NRG3: variants seen among roughly 807,000 people sequenced by gnomAD.
NRG3 encodes neuregulin 3.
NRG3 carries 31 observed loss-of-function variants against 66.9 expected under a neutral mutation model. The observed-to-expected ratio is 0.46, with a 90% CI of 0.35 to 0.63. The LOEUF (loss-of-function observed/expected upper bound fraction) is 0.63. NRG3 is among the 20% of genes least tolerant of loss of function. The pLI is 0.00. For synonymous variants in NRG3, 393 were observed against 359.4 expected, an observed-to-expected ratio of 1.09 and a Z score of -1.06; for missense variants, 910 against 878.9, an observed-to-expected ratio of 1.04 and a Z score of -0.45.
intron 2 of NRG3, among the ~76,000 whole-genome samples, chr10:82,423,173 A>G (rs1480992257): frequency 1.3e-5 from 2 of 152,012 alleles, no homozygotes; most frequent in Non-Finnish European, 2.9e-5. Context: ...TCTAAAACAA[A>G]TTGAAACTTA....
chr10:82,245,741 G>C (rs1228796427), intron 1 of NRG3, among the ~76,000 whole-genome samples: 1 of 151,990 alleles, frequency 6.6e-6, no homozygotes, highest in African/African-American at 2.4e-5. Flanking sequence ...TTAAGAACTA[G>C]GACATGAATT....
intron 2 of NRG3, among the ~76,000 whole-genome samples, chr10:82,722,434 C>A (rs560514499): frequency 1.3e-5 from 2 of 152,226 alleles, no homozygotes; most frequent in African/African-American, 4.8e-5. Flanking sequence ...GTCAACAAAG[C>A]AAAGAATGTG....
intron 2 of NRG3, among the ~76,000 whole-genome samples, chr10:82,590,447 T>C (rs2046916545): frequency 6.6e-6 from 1 of 152,050 alleles, no homozygotes; most frequent in South Asian, 2.1e-4. Context: ...GCTTGATAAA[T>C]ACTGAGGAGG....
chr10:82,962,954 C>T (rs1483052895), intron 6 of NRG3, among the ~76,000 whole-genome samples: 3 of 152,124 alleles, frequency 2.0e-5, no homozygotes, highest in Non-Finnish European at 4.4e-5. Flanking sequence ...TCTGGTAAAG[C>T]CCACACTTCT....
At chr10:82,221,465 C>T (rs548625428) in intron 1 of NRG3, among the ~76,000 whole-genome samples, 2 of 152,230 alleles carry the variant, frequency 1.3e-5, no homozygotes, top group Non-Finnish European at 1.5e-5. Flanking sequence ...TCAATCAATT[C>T]CTCTGACCAT....
chr10:81,956,272 G>C (rs1407067409), intron 1 of NRG3, among the ~76,000 whole-genome samples: 2 of 152,134 alleles, frequency 1.3e-5, no homozygotes, highest in Non-Finnish European at 2.9e-5. Context: ...CATTCACCAA[G>C]CTCCAAGGAA....
chr10:82,587,655 T>G (rs932681697), intron 2 of NRG3, among the ~76,000 whole-genome samples: 5 of 152,166 alleles, frequency 3.3e-5, no homozygotes, highest in African/African-American at 1.2e-4. Context: ...CTAGCTTCTG[T>G]GTGTTGTTTC....
intron 2 of NRG3, among the ~76,000 whole-genome samples, chr10:82,425,320 A>G (rs1458236949): frequency 6.6e-6 from 1 of 151,984 alleles, no homozygotes; most frequent in Non-Finnish European, 1.5e-5. Context: ...TTTTTCAACA[A>G]TGTTTGTTGC....
intron 1 of NRG3, among the ~76,000 whole-genome samples, chr10:82,338,500 CT>C (rs1203307315): frequency 6.6e-6 from 1 of 152,104 alleles, no homozygotes; most frequent in African/African-American, 2.4e-5. Flanking sequence ...GCAGACTTGC[CT>C]TATTATCTGA....
chr10:82,206,673 T>C (rs912404442), intron 1 of NRG3, among the ~76,000 whole-genome samples: 11 of 152,204 alleles, frequency 7.2e-5, no homozygotes, highest in Admixed American at 2.0e-4. Flanking sequence ...GTCAGGACTC[T>C]TTGAATGTAT....
intron 2 of NRG3, among the ~76,000 whole-genome samples, chr10:82,437,938 C>T (rs978620669): frequency 6.6e-6 from 1 of 152,176 alleles, no homozygotes; most frequent in African/African-American, 2.4e-5. Flanking sequence ...CCTCTGGGAC[C>T]TCTGACCTCG....
intron 2 of NRG3, among the ~76,000 whole-genome samples, chr10:82,648,309 A>C (rs28828802): frequency 0.12 from 17,712 of 151,618 alleles, 1,094 homozygotes; most frequent in East Asian, 0.23. Context: ...AAGATCAGAT[A>C]GTTGTAGATA....
chr10:82,436,080 C>T (rs1313510796), intron 2 of NRG3, among the ~76,000 whole-genome samples: 1 of 152,102 alleles, frequency 6.6e-6, no homozygotes, highest in Non-Finnish European at 1.5e-5. Flanking sequence ...GAGTTCAAGT[C>T]ATGAATATCC....
chr10:81,886,919 T>C (rs763232699), intron 1 of NRG3, among the ~76,000 whole-genome samples: 29 of 152,174 alleles, frequency 1.9e-4, no homozygotes, highest in Non-Finnish European at 3.4e-4. Context: ...TTGTTCATGG[T>C]AGTTCTTTCT....
rs75631282 is a variant in NRG3 at position 82,259,719 on chromosome 10, G to A, written c.824-99020G>A. 3.2e-3 allele frequency among the ~76,000 whole-genome samples: 481 copies of A among 152,188 alleles called. 5 individuals carry two copies. The highest frequency in any genetic ancestry group is 0.011 in the African/African-American group (464 of 41,538). On this transcript the variant is annotated intron_variant, in intron 1 of 8. Transcript: ENST00000372141. Reference sequence around the variant, plus strand: ...GAGGTGGAAGGATTGCATCAGCCCCGGAGTTTGAGACCAGCCTGAGCTACA... The same window carrying A: ...GAGGTGGAAGGATTGCATCAGCCCCAGAGTTTGAGACCAGCCTGAGCTACA...
At chr10:82,236,949 T>C (rs1244204085) in intron 1 of NRG3, among the ~76,000 whole-genome samples, 1 of 152,116 alleles carries the variant, frequency 6.6e-6, no homozygotes, top group Non-Finnish European at 1.5e-5. Context: ...TCTCCTGACC[T>C]TGTGGTCCGC....
chr10:82,232,929 G>A (rs191370503), intron 1 of NRG3: 6 of 686,266 alleles, frequency 8.7e-6, no homozygotes, highest in East Asian at 8.1e-5. Context: ...TTGGGAAACA[G>A]GAGTGTTCTC....
intron 2 of NRG3, among the ~76,000 whole-genome samples, chr10:82,524,931 A>G (rs962063056): frequency 6.6e-6 from 1 of 151,678 alleles, no homozygotes; most frequent in East Asian, 1.9e-4. Flanking sequence ...TTCTCCCATC[A>G]TCTCTCCTTC....
chr10:82,974,179 A>T (rs557408201), intron 7 of NRG3, among the ~76,000 whole-genome samples: 2 of 152,090 alleles, frequency 1.3e-5, no homozygotes, highest in South Asian at 4.1e-4. Flanking sequence ...AAAAAAAAAA[A>T]TGCATTCTGA....
Sources: gnomAD v4.1 joint callset for allele counts (sites outside exome capture counted in the v4.1 genomes callset) on GRCh38, gnomAD v4.1.1 for gene constraint, MANE v1.5 for transcripts, NCBI Gene and HGNC (gene_info 2026-07-23, HGNC 2026-07-21) for gene names.